CCDC198: variants seen among roughly 807,000 people sequenced by gnomAD.
The protein encoded by CCDC198 is factor associated with metabolism and energy.
A neutral mutation model predicts 35.6 loss-of-function variants in CCDC198; 18 were observed. The observed-to-expected ratio is 0.51, with a 90% CI of 0.35 to 0.75. CCDC198 has a LOEUF of 0.75. Ranked by LOEUF, CCDC198 falls within the 30% of genes least tolerant of loss-of-function variation. CCDC198 has a pLI of 0.01. For missense variants in CCDC198, 365 were observed against 343.7 expected (o/e 1.06, Z -0.49); for synonymous variants, 119 against 113.4 (o/e 1.05, Z -0.31).
chr14:57,483,684 T>G (rs1241126591), intron 2 of CCDC198, among the ~76,000 whole-genome samples: 1 of 152,174 alleles, frequency 6.6e-6, no homozygotes, highest in Non-Finnish European at 1.5e-5. Flanking sequence ...AGCAGGGGCT[T>G]GGCTTGATAG....
chr14:57,481,750 A>T, intron 3 of CCDC198, 90 bp from the exon 4 acceptor site: 3 of 811,376 alleles, frequency 3.7e-6, no homozygotes, highest in Non-Finnish European at 6.1e-6. Flanking sequence ...ACAGAGTCAG[A>T]TCTTAATCAG....
At chr14:57,489,704 A>G (rs2067496218) in intron 2 of CCDC198, among the ~76,000 whole-genome samples, 1 of 152,096 alleles carries the variant, frequency 6.6e-6, no homozygotes, top group Non-Finnish European at 1.5e-5. Flanking sequence ...ATCAAAACCT[A>G]ACCTCCTTTG....
rs2066807996 is a variant in CCDC198, at chr14:57,471,192, C to T, written c.*163G>A. On this transcript the variant is annotated 3_prime_UTR_variant, in exon 6 of 6. Transcript: ENST00000216445. ...CATTTAGTTATGCAGCAATAGTTAA[C>T]AGCACATGTGACGGACTTGTTAATC... 1.7e-6 allele frequency: 1 copy of T among 579,692 alleles called. No individual in the cohort carries two copies. Among genetic ancestry groups the T allele is most frequent in the Non-Finnish European group, 3.0e-6 (1 of 333,116 alleles). 35.9% of individuals were successfully genotyped at this position (579,692 alleles called of 1,614,324 possible). A position where few individuals can be genotyped will look rare whatever the true frequency, so the allele number is the denominator to read the frequency against.
At chr14:57,474,477 C>T (rs1041550226) in intron 5 of CCDC198, among the ~76,000 whole-genome samples, 1 of 152,144 alleles carries the variant, frequency 6.6e-6, no homozygotes, top group Non-Finnish European at 1.5e-5. Context: ...TTAATGATAG[C>T]CTAAGTCCCA....
At position 57,493,554 on chromosome 14, in the gene CCDC198, A is replaced by G; in HGVS notation, c.162T>C (p.Asn54=). The change falls in exon 1 of 6, where the codon AAT becomes AAC. Residue 54 remains asparagine, a synonymous_variant. Coordinates refer to ENST00000216445, the MANE Select transcript of CCDC198 (RefSeq NM_018168.4). ...GTGGCAGCTGCCCTTCCAAGGCTTTATTCTGGTCCTGCAGTCTTGCCAGTG... is the reference window on the plus strand; with the variant it reads ...GTGGCAGCTGCCCTTCCAAGGCTTTGTTCTGGTCCTGCAGTCTTGCCAGTG... The part of the protein sequence containing the change: ...SYSLARLQDQ[N]KALEGQLPPL... The G allele has an allele frequency of 6.2e-7, 1 of 1,613,952 alleles. No homozygotes were observed. Among genetic ancestry groups the G allele is most frequent in the Non-Finnish European group, 8.5e-7 (1 of 1,179,904 alleles).
chr14:57,491,200 G>A, intron 1 of CCDC198, 129 bp from the exon 2 acceptor site: 1 of 859,984 alleles, frequency 1.2e-6, no homozygotes, highest in South Asian at 1.8e-5. Context: ...TCTAACCTGT[G>A]GGTTGAATGT....
At chr14:57,483,664 G>A (rs2067262092) in intron 2 of CCDC198, among the ~76,000 whole-genome samples, 1 of 152,296 alleles carries the variant, frequency 6.6e-6, no homozygotes, top group East Asian at 1.9e-4. Context: ...TTTTAGAGAT[G>A]TCCTTTTCTA....
chr14:57,476,812 G>GAA (rs2067012719), intron 5 of CCDC198, among the ~76,000 whole-genome samples: 1 of 152,186 alleles, frequency 6.6e-6, no homozygotes, highest in Admixed American at 6.5e-5. Flanking sequence ...CCTGATAGTA[G>GAA]AATGCTTATG....
intron 5 of CCDC198, among the ~76,000 whole-genome samples, chr14:57,477,557 A>G (rs1240192633): frequency 6.6e-6 from 1 of 152,240 alleles, no homozygotes; most frequent in Non-Finnish European, 1.5e-5. Flanking sequence ...AAGTGTTGAA[A>G]GAGTTCTCAA....
intron 2 of CCDC198, among the ~76,000 whole-genome samples, chr14:57,489,208 A>T (rs1005723681): frequency 3.3e-5 from 5 of 152,188 alleles, no homozygotes; most frequent in African/African-American, 1.2e-4. Flanking sequence ...AAGGAACGAG[A>T]TCATGTTCTT....
intron 2 of CCDC198, 132 bp downstream of exon 2, chr14:57,490,856 CA>C (rs2067540802): frequency 1.1e-6 from 1 of 878,752 alleles, no homozygotes; most frequent in African/African-American, 1.6e-5. Flanking sequence ...CGATTGATGA[CA>C]TTTTTCTTTA....
At chr14:57,492,422 TA>T (rs1306833911) in intron 1 of CCDC198, among the ~76,000 whole-genome samples, 1 of 151,982 alleles carries the variant, frequency 6.6e-6, no homozygotes, top group Admixed American at 6.6e-5. Context: ...GGGGTTTGGA[TA>T]AAAAGGGAAT....
chr14:57,490,525 G>C (rs912690982), intron 2 of CCDC198, among the ~76,000 whole-genome samples: 2 of 152,064 alleles, frequency 1.3e-5, no homozygotes, highest in African/African-American at 4.8e-5. Flanking sequence ...TGAGTCTTTG[G>C]GGGTAGTTAC....
chr14:57,480,556 CA>C (rs752763645), intron 5 of CCDC198, 38 bp downstream of exon 5: 1 of 1,603,566 alleles, frequency 6.2e-7, no homozygotes, highest in Non-Finnish European at 8.5e-7. Flanking sequence ...GTTTTAAAAA[CA>C]CTTGAAATGT....
intron 2 of CCDC198, among the ~76,000 whole-genome samples, chr14:57,488,251 G>T (rs998653394): frequency 2.0e-5 from 3 of 152,120 alleles, no homozygotes; most frequent in Admixed American, 6.6e-5. Flanking sequence ...TGCATTTCAG[G>T]TTGCAAGGTA....
Position 57,480,639 on chromosome 14 carries a change from T to A in CCDC198, c.611A>T (p.Asp204Val), listed in dbSNP as rs748549020. The A allele has an allele frequency of 6.2e-7, 1 of 1,614,190 alleles. No homozygotes were observed. The highest frequency in any genetic ancestry group is 1.1e-5 in the South Asian group (1 of 91,076). ...LQSTPRNDDHDLLTMLPDEIL... is the reference protein window; with the variant it reads ...LQSTPRNDDHVLLTMLPDEIL... ...TTCATCAGGCAACATGGTTAGAAGG[T>A]CATGGTCATCATTCCTTGGGGTGCT... Residue 204 changes from aspartate (D) to valine (V), a missense_variant, in exon 5 of 6, where the codon GAC becomes GTC. Physicochemically the swap from Asp to Val is radical, Grantham distance 152 (BLOSUM62 -3). Transcript: ENST00000216445.
At chr14:57,483,250 G>A (rs754596939) in intron 2 of CCDC198, 99 bp from the exon 3 acceptor site, 23 of 1,564,912 alleles carry the variant, frequency 1.5e-5, no homozygotes, top group South Asian at 1.0e-4. Context: ...TTGCAAAAGC[G>A]GCACTTATTT....
rs34786761 is a variant in CCDC198, at chr14:57,480,686, A to G, written c.564T>C (p.His188=). ...ARINKQSPRD[H]KAKKTLQSTP... is the part of the protein sequence containing the mutation. ...TGCTTTGAAGGGTTTTCTTGGCTTT[A>G]TGGTCCCTTGGACTTTGCTTATTAA... Residue 188 remains histidine, a synonymous_variant, in exon 5 of 6, where the codon CAT becomes CAC. Coordinates refer to ENST00000216445, the MANE Select transcript of CCDC198 (RefSeq NM_018168.4). 7 of 1,614,104 alleles carry G rather than the reference A, an allele frequency of 4.3e-6. No homozygotes were observed. Among genetic ancestry groups the G allele is most frequent in the Middle Eastern group, 1.6e-4 (1 of 6,062 alleles).
chr14:57,486,932 T>C (rs2067381905), intron 2 of CCDC198, among the ~76,000 whole-genome samples: 1 of 152,202 alleles, frequency 6.6e-6, no homozygotes, highest in African/African-American at 2.4e-5. Flanking sequence ...AATCACACTA[T>C]TCCTTCACAA....
Sources: gnomAD v4.1 joint callset for allele counts (sites outside exome capture counted in the v4.1 genomes callset) on GRCh38, gnomAD v4.1.1 for gene constraint, MANE v1.5 for transcripts, NCBI Gene and HGNC (gene_info 2026-07-23, HGNC 2026-07-21) for gene names.